The following CCDC171 variants were observed in gnomAD, a reference collection of about 807,000 sequenced individuals.
The protein encoded by CCDC171 is coiled-coil domain-containing protein 171.
In CCDC171, 177 loss-of-function variants were observed where a neutral mutation model predicts 168.2. That is an observed-to-expected ratio of 1.05 (90% confidence interval 0.93 to 1.19). CCDC171 has a LOEUF of 1.19. CCDC171 is among the 50% of genes most tolerant of loss of function. The pLI, the probability that CCDC171 is intolerant of heterozygous loss-of-function variation, is 0.00. For missense variants in CCDC171, 1,991 were observed against 1,539.0 expected, an observed-to-expected ratio of 1.29 and a Z score of -4.91; for synonymous variants, 687 against 540.8, an observed-to-expected ratio of 1.27 and a Z score of -3.75.
At chr9:15,594,274 T>A in intron 6 of CCDC171, 102 bp downstream of exon 6, 1 of 697,852 alleles carries the variant, frequency 1.4e-6, no homozygotes. Context: ...GGAAAATAAT[T>A]TCTAGTTTTG....
downstream of CCDC171, among the ~76,000 whole-genome samples, chr9:16,061,893 A>G (rs62550914): frequency 0.14 from 21,017 of 152,196 alleles, 1,524 homozygotes; most frequent in Middle Eastern, 0.16. Flanking sequence ...CCAGAACTCC[A>G]AATCCCTGGT....
At chr9:15,768,241 T>C (rs1359394428) in intron 18 of CCDC171, among the ~76,000 whole-genome samples, 2 of 152,134 alleles carry the variant, frequency 1.3e-5, no homozygotes, top group African/African-American at 4.8e-5. Flanking sequence ...TTACCCATTT[T>C]CTTAGGCCCA....
chr9:16,093,747 G>A, the CCDC171 span, among the ~76,000 whole-genome samples: 1 of 152,170 alleles, frequency 6.6e-6, no homozygotes, highest in African/African-American at 2.4e-5. Flanking sequence ...GTGAATGACA[G>A]GACAAGCATG....
At chr9:15,615,982 G>T (rs763403023) in intron 6 of CCDC171, among the ~76,000 whole-genome samples, 1 of 151,516 alleles carries the variant, frequency 6.6e-6, no homozygotes, top group Non-Finnish European at 1.5e-5. Flanking sequence ...ATGGAGTCTC[G>T]CTCTGTCGCC....
chr9:15,788,036 G>C (rs968593735), intron 21 of CCDC171, among the ~76,000 whole-genome samples: 1 of 152,166 alleles, frequency 6.6e-6, no homozygotes, highest in African/African-American at 2.4e-5. Flanking sequence ...AGCTGTTCAT[G>C]TTAATTTTTT....
At chr9:15,999,901 C>T (rs1406944931) in intron 3 of CCDC171, among the ~76,000 whole-genome samples, 3 of 152,102 alleles carry the variant, frequency 2.0e-5, no homozygotes, top group African/African-American at 7.2e-5. Flanking sequence ...GCTCTTTTCT[C>T]AGGAGCACAC....
At chr9:16,066,804 T>C in the CCDC171 span, among the ~76,000 whole-genome samples, 1 of 150,206 alleles carries the variant, frequency 6.7e-6, no homozygotes, top group Non-Finnish European at 1.5e-5. Context: ...TCATTTTTTA[T>C]GGCTGCATAG....
chr9:15,795,947 A>G (rs762902324), intron 21 of CCDC171, among the ~76,000 whole-genome samples: 1 of 152,226 alleles, frequency 6.6e-6, no homozygotes, highest in Non-Finnish European at 1.5e-5. Context: ...AAAATGTTCA[A>G]TTAGGGATGT....
At chr9:15,571,560 C>A in intron 2 of CCDC171, 64 bp from the exon 3 acceptor site, 2 of 1,294,372 alleles carry the variant, frequency 1.5e-6, no homozygotes, top group Non-Finnish European at 2.1e-6. Flanking sequence ...TCAAAAATAT[C>A]AGAAATGCTC....
chr9:15,572,895 A>G lies in CCDC171; in HGVS notation c.177+1136A>G, dbSNP rs530057434. Among the ~76,000 whole-genome samples, 8 of 152,356 alleles carry G rather than the reference A, an allele frequency of 5.3e-5. No homozygotes were observed. In the East Asian group the frequency reaches 1.5e-3, roughly 29 times the overall value. On this transcript the variant is annotated intron_variant, in intron 3 of 25. Transcript: ENST00000380701. The stretch of plus-strand genomic sequence containing the variant: ...TGAAAAGGGCCAGGTGTGGTGGCTC[A>G]TGCCTATAATCCAAGCACTTTGAGA...
rs757742618 is a variant in CCDC171 at position 15,723,670 on chromosome 9, A to C, written c.1426-11A>C. The C allele has an allele frequency of 1.3e-6, 2 of 1,587,022 alleles. No homozygotes were observed. The highest frequency in any genetic ancestry group is 1.8e-5 in the Admixed American group (1 of 56,664). On this transcript the variant is annotated splice_polypyrimidine_tract_variant and intron_variant, in intron 12 of 25. Coordinates refer to ENST00000380701, the MANE Select transcript of CCDC171 (RefSeq NM_173550.4). ...TTCTTTCATCAGCTAAACAGCATGA[A>C]TGATGTTAAGGAAAAGGCATGTAAT...
intron 9 of CCDC171, among the ~76,000 whole-genome samples, chr9:15,676,038 T>A (rs1183455972): frequency 6.6e-6 from 1 of 152,216 alleles, no homozygotes; most frequent in Non-Finnish European, 1.5e-5. Context: ...TCTTTTCACA[T>A]AGTCCCAGAC....
chr9:15,648,835 T>C (rs960149756), intron 7 of CCDC171, among the ~76,000 whole-genome samples: 1 of 152,170 alleles, frequency 6.6e-6, no homozygotes, highest in Non-Finnish European at 1.5e-5. Context: ...AGGTAATTTA[T>C]TGATTCAATG....
chr9:15,915,988 T>C (rs1355609300), intron 24 of CCDC171, among the ~76,000 whole-genome samples: 1 of 152,196 alleles, frequency 6.6e-6, no homozygotes, highest in Non-Finnish European at 1.5e-5. Flanking sequence ...TATTATCTTT[T>C]TGATGTGCTG....
intron 6 of CCDC171, among the ~76,000 whole-genome samples, chr9:15,600,818 C>G (rs549878558): frequency 6.6e-6 from 1 of 152,326 alleles, no homozygotes; most frequent in African/African-American, 2.4e-5. Context: ...TGTTTACCTA[C>G]TCAAGCCTCC....
chr9:15,554,386 C>T (rs373231176), intron 1 of CCDC171, among the ~76,000 whole-genome samples: 1 of 152,134 alleles, frequency 6.6e-6, no homozygotes, highest in Non-Finnish European at 1.5e-5. Context: ...AGAAGATGAA[C>T]ATGGTTTTTC....
chr9:15,924,469 T>C (rs1210735256), intron 25 of CCDC171, among the ~76,000 whole-genome samples: 1 of 151,362 alleles, frequency 6.6e-6, no homozygotes, highest in African/African-American at 2.4e-5. Flanking sequence ...GCTATTATTC[T>C]GATAACCATT....
chr9:15,932,374 G>A (rs12379234), intron 25 of CCDC171, among the ~76,000 whole-genome samples: 48,387 of 151,560 alleles, frequency 0.32, 9,471 homozygotes, highest in East Asian at 0.62. Flanking sequence ...TATAGCTATT[G>A]TAAACGGAAT....
intron 1 of CCDC171, among the ~76,000 whole-genome samples, chr9:15,563,302 C>G (rs990893956): frequency 1.3e-5 from 2 of 152,012 alleles, no homozygotes; most frequent in South Asian, 2.1e-4. Flanking sequence ...CCCCGCCTGG[C>G]TAATTTTATA....
Sources: allele counts gnomAD v4.1 joint callset (sites outside exome capture counted in the v4.1 genomes callset), GRCh38; gene constraint gnomAD v4.1.1; transcripts MANE v1.5; gene names NCBI Gene and HGNC (gene_info 2026-07-23, HGNC 2026-07-21).